XYLT1: variants seen among roughly 807,000 people sequenced by gnomAD.
XYLT1 encodes the protein beta-D-xylosyltransferase 1.
XYLT1 carries 36 observed loss-of-function variants against 91.3 expected under a neutral mutation model. The observed-to-expected ratio is 0.39, with a 90% confidence interval of 0.30 to 0.52. The LOEUF (loss-of-function observed/expected upper bound fraction) is 0.52. XYLT1 is among the 20% of genes least tolerant of loss of function. The pLI is 0.68. For missense variants in XYLT1, 1,242 were observed against 1,284.5 expected, an observed-to-expected ratio of 0.97 and a Z score of 0.51; for synonymous variants, 588 against 532.0, an observed-to-expected ratio of 1.11 and a Z score of -1.45.
intron 1 of XYLT1, among the ~76,000 whole-genome samples, chr16:17,383,752 C>CA (rs1555501409): frequency 2.2e-5 from 3 of 135,624 alleles, no homozygotes; most frequent in East Asian, 4.2e-4. Context: ...GTGGAATTTT[C>CA]TTTTTTTTTT....
intron 1 of XYLT1, among the ~76,000 whole-genome samples, chr16:17,466,021 G>A (rs1013137961): frequency 6.6e-6 from 1 of 152,196 alleles, no homozygotes; most frequent in Non-Finnish European, 1.5e-5. Context: ...TTTCATTGGT[G>A]CCGGGGCCTC....
intron 1 of XYLT1, among the ~76,000 whole-genome samples, chr16:17,367,753 C>T (rs112992394): frequency 0.029 from 4,369 of 152,258 alleles, 202 homozygotes; most frequent in African/African-American, 0.098. Flanking sequence ...ATTCTCAATA[C>T]GGCCCGAGGA....
chr16:17,301,060 A>G (rs1220280586), intron 2 of XYLT1, among the ~76,000 whole-genome samples: 1 of 152,030 alleles, frequency 6.6e-6, no homozygotes, highest in African/African-American at 2.4e-5. Flanking sequence ...CTCAATAGGG[A>G]TGACTGTCAC....
intron 5 of XYLT1, among the ~76,000 whole-genome samples, chr16:17,191,734 G>A (rs2032314514): frequency 6.6e-6 from 1 of 152,212 alleles, no homozygotes; most frequent in African/African-American, 2.4e-5. Context: ...GAGGCGCCAT[G>A]GAGCAGCTCT....
chr16:17,330,875 A>G (rs749589290), intron 2 of XYLT1, among the ~76,000 whole-genome samples: 1 of 152,168 alleles, frequency 6.6e-6, no homozygotes, highest in Non-Finnish European at 1.5e-5. Context: ...CTCAATGCGC[A>G]TATCAGGTGG....
chr16:17,424,296 C>T (rs2036286291), intron 1 of XYLT1, among the ~76,000 whole-genome samples: 1 of 152,202 alleles, frequency 6.6e-6, no homozygotes, highest in Non-Finnish European at 1.5e-5. Flanking sequence ...TTCTAGCAAA[C>T]CTGAGAGAAC....
At chr16:17,440,063 TTGTGAGCTTCCCTA>T (rs1304227140) in intron 1 of XYLT1, among the ~76,000 whole-genome samples, 1 of 152,226 alleles carries the variant, frequency 6.6e-6, no homozygotes, top group Non-Finnish European at 1.5e-5. Context: ...AACTGTCATG[TTGTGAGCTTCCCTA>T]TGGTTAGGAC....
intron 3 of XYLT1, among the ~76,000 whole-genome samples, chr16:17,242,873 C>T (rs1023072969): frequency 1.3e-5 from 2 of 152,220 alleles, no homozygotes; most frequent in Non-Finnish European, 2.9e-5. Flanking sequence ...AGTATCTGAT[C>T]TATGGTGACT....
chr16:17,207,056 T>TC (rs67929678), intron 3 of XYLT1, among the ~76,000 whole-genome samples: 3 of 50,970 alleles, frequency 5.9e-5, no homozygotes. Context: ...TTCTTTCTTT[T>TC]TTTTTTTTTT....
At chr16:17,272,627 T>G (rs2033914546) in intron 2 of XYLT1, among the ~76,000 whole-genome samples, 1 of 152,212 alleles carries the variant, frequency 6.6e-6, no homozygotes, top group Admixed American at 6.5e-5. Context: ...TTCTGCCCCT[T>G]CTGGAAACAT....
intron 11 of XYLT1, among the ~76,000 whole-genome samples, chr16:17,115,524 A>G (rs1307645534): frequency 1.3e-5 from 2 of 149,612 alleles, no homozygotes; most frequent in African/African-American, 2.5e-5. Context: ...CTGTCACCCA[A>G]CTGGAGTGCA....
intron 3 of XYLT1, among the ~76,000 whole-genome samples, chr16:17,201,621 C>T (rs547862252): frequency 5.3e-5 from 8 of 152,098 alleles, no homozygotes; most frequent in South Asian, 2.1e-4. Flanking sequence ...ATTACAGGCA[C>T]GCAACACCAT....
At chr16:17,248,668 C>T (rs749468609) in intron 3 of XYLT1, among the ~76,000 whole-genome samples, 18 of 152,034 alleles carry the variant, frequency 1.2e-4, no homozygotes, top group Non-Finnish European at 2.2e-4. Flanking sequence ...TAACTTTCAC[C>T]ACCCTTCATC....
At chr16:17,251,817 C>CTGG (rs2033543397) in intron 3 of XYLT1, among the ~76,000 whole-genome samples, 1 of 152,132 alleles carries the variant, frequency 6.6e-6, no homozygotes, top group African/African-American at 2.4e-5. Flanking sequence ...TCCCTGCAAC[C>CTGG]AGGGCTTCTG....
At chr16:17,388,381 A>G (rs1031905154) in intron 1 of XYLT1, among the ~76,000 whole-genome samples, 3 of 152,210 alleles carry the variant, frequency 2.0e-5, no homozygotes, top group Admixed American at 2.0e-4. Context: ...GATGATAAGC[A>G]TGTAGAGGAC....
intron 3 of XYLT1, among the ~76,000 whole-genome samples, chr16:17,231,173 A>G (rs1286725196): frequency 6.6e-6 from 1 of 152,272 alleles, no homozygotes; most frequent in Non-Finnish European, 1.5e-5. Context: ...GCAGCCAAAT[A>G]AAAACTTGCT....
rs1597122963 is a variant in XYLT1 at position 17,106,774 on chromosome 16, C to G, written c.*1921G>C. The G allele has an allele frequency of 2.0e-5, 3 of 152,080 alleles. No individual in the cohort carries two copies. The highest frequency in any genetic ancestry group is 2.0e-4 in the Admixed American group (3 of 15,266). The allele number at this position is 152,080 out of a possible 1,614,324, so 9.4% of individuals were successfully genotyped here. On this transcript the variant is annotated 3_prime_UTR_variant, in exon 12 of 12. Transcript: ENST00000261381. ...TGGGAGGCTCAGGAATTCCAATACT[C>G]TTGGAATCCGAGGGAGAGTGAGGCT...
At chr16:17,355,083 A>G (rs1016413807) in intron 2 of XYLT1, 1 of 152,788 alleles carries the variant, frequency 6.5e-6, no homozygotes, top group Non-Finnish European at 1.5e-5. Context: ...GCATAGCACA[A>G]ATGCTGAGAG....
chr16:17,273,400 C>A lies in XYLT1; in HGVS notation c.403-13902G>T, dbSNP rs547078704. ...CTGACCTCTTCATGTATCCTCCAGC[C>A]CCTTGCAACCAAGTGTGGACCACTG... is the stretch of plus-strand genomic sequence containing the variant. On this transcript the variant is annotated intron_variant, in intron 2 of 11. Transcript: ENST00000261381. Among the ~76,000 whole-genome samples, 17 of 152,302 alleles carry A rather than the reference C, an allele frequency of 1.1e-4. 1 individual carries two copies. In the South Asian group the frequency reaches 3.1e-3, roughly 28 times the overall value.
Sources: gnomAD v4.1 joint callset for allele counts (sites outside exome capture counted in the v4.1 genomes callset) on GRCh38, gnomAD v4.1.1 for gene constraint, MANE v1.5 for transcripts, NCBI Gene and HGNC (gene_info 2026-07-23, HGNC 2026-07-21) for gene names.